The following SNX29 variants were observed in gnomAD, a reference collection of about 807,000 sequenced individuals.
SNX29 encodes sorting nexin 29, also known as sorting nexin-29.
SNX29 carries 78 observed loss-of-function variants against 102.1 expected under a neutral mutation model. The ratio of observed to expected loss-of-function variants is 0.76; its 90% CI spans 0.64 to 0.92. The LOEUF is 0.92. SNX29 is among the 40% of genes least tolerant of loss of function. The pLI is 0.00. For synonymous variants in SNX29, 580 were observed against 414.5 expected (o/e 1.40, Z -4.85); for missense variants, 1,280 against 1,061.7 (o/e 1.21, Z -2.86).
chr16:12,509,016 C>T (rs1316913541), intron 19 of SNX29, among the ~76,000 whole-genome samples: 2 of 152,192 alleles, frequency 1.3e-5, no homozygotes. Context: ...GCATCCAGCA[C>T]ACGTTGGCTG....
chr16:12,548,546 C>T lies in SNX29; in HGVS notation c.2319-19960C>T, dbSNP rs188175052. 3.9e-5 allele frequency among the ~76,000 whole-genome samples: 6 copies of T among 152,314 alleles called. No individual in the cohort carries two copies. In the East Asian group the frequency reaches 1.2e-3, roughly 29 times the overall value. ...GAGGGTGCAGCCTTCTGGGAATTCC[C>T]TCTAGGGATTTTCTATGATGCTGGC... On this transcript the variant is annotated intron_variant, in intron 20 of 20. Transcript: ENST00000566228.
intron 20 of SNX29, among the ~76,000 whole-genome samples, chr16:12,564,898 G>A (rs772753260): frequency 2.0e-5 from 3 of 148,934 alleles, no homozygotes; most frequent in Admixed American, 6.8e-5. Context: ...GTGGGGAGGA[G>A]GCATCTGCAG....
intron 11 of SNX29, among the ~76,000 whole-genome samples, chr16:12,080,501 C>T (rs1269743731): frequency 1.3e-5 from 2 of 152,142 alleles, no homozygotes; most frequent in African/African-American, 2.4e-5. Context: ...TTGTTTACCA[C>T]AGTACTGTTA....
At chr16:12,539,957 ATG>A (rs2077251934) in intron 20 of SNX29, among the ~76,000 whole-genome samples, 1 of 152,220 alleles carries the variant, frequency 6.6e-6, no homozygotes, top group Non-Finnish European at 1.5e-5. Context: ...TTTGTCGAAC[ATG>A]TGAGTTGCAC....
intron 18 of SNX29, among the ~76,000 whole-genome samples, chr16:12,408,117 C>T (rs1482799259): frequency 1.3e-5 from 2 of 151,940 alleles, no homozygotes; most frequent in East Asian, 1.9e-4. Context: ...GTTATAATGC[C>T]ACTGCCACTC....
chr16:12,557,274 G>A (rs1028245638), intron 20 of SNX29: 1 of 152,244 alleles, frequency 6.6e-6, no homozygotes, highest in African/African-American at 2.4e-5. Flanking sequence ...GGGGAGTGCA[G>A]GCAGAAGAGA....
chr16:12,301,005 C>A (rs1368185972), intron 15 of SNX29, among the ~76,000 whole-genome samples: 2 of 152,232 alleles, frequency 1.3e-5, no homozygotes, highest in Non-Finnish European at 2.9e-5. Context: ...GAACTCTGTT[C>A]TTCCTCCTGA....
At chr16:12,479,021 G>T (rs749101268) in intron 19 of SNX29, among the ~76,000 whole-genome samples, 4 of 152,274 alleles carry the variant, frequency 2.6e-5, no homozygotes, top group Non-Finnish European at 5.9e-5. Context: ...GCATTGTATT[G>T]AGCATGATCT....
chr16:12,517,266 A>C (rs1324391497), intron 19 of SNX29, among the ~76,000 whole-genome samples: 2 of 152,202 alleles, frequency 1.3e-5, no homozygotes, highest in African/African-American at 4.8e-5. Flanking sequence ...CTAGGAGCCC[A>C]ACCAGAAAAC....
At chr16:12,479,800 G>A (rs1000391421) in intron 19 of SNX29, among the ~76,000 whole-genome samples, 1 of 152,124 alleles carries the variant, frequency 6.6e-6, no homozygotes, top group Non-Finnish European at 1.5e-5. Flanking sequence ...TGGCCCTTCC[G>A]TGACAGCTTC....
intron 18 of SNX29, among the ~76,000 whole-genome samples, chr16:12,462,720 G>C (rs2086861912): frequency 6.6e-6 from 1 of 152,160 alleles, no homozygotes; most frequent in South Asian, 2.1e-4. Flanking sequence ...CCAAACCCAG[G>C]AAGACTTGGC....
intron 13 of SNX29, among the ~76,000 whole-genome samples, chr16:12,161,797 C>T (rs2055795973): frequency 1.3e-5 from 2 of 152,126 alleles, no homozygotes; most frequent in African/African-American, 4.8e-5. Flanking sequence ...CTGTGGCACG[C>T]CAGTTCCCTA....
chr16:12,557,774 C>T (rs567083292), intron 20 of SNX29: 21 of 152,338 alleles, frequency 1.4e-4, no homozygotes, highest in African/African-American at 4.6e-4. Context: ...AGATATTTTT[C>T]AGCTCCATCA....
chr16:12,530,101 T>C lies in SNX29; in HGVS notation c.2318+5260T>C, dbSNP rs148805448. ...CTCCCTCTTGCTTTTCCCCTTGGCC[T>C]GCTCTGCTGACTTACATCAACCACT... is the stretch of plus-strand genomic sequence containing the variant. On this transcript the variant is annotated intron_variant, in intron 20 of 20. Transcript: ENST00000566228. Among the ~76,000 whole-genome samples, 167 of 152,348 alleles carry C rather than the reference T, an allele frequency of 1.1e-3. 5 individuals are homozygous for C. The East Asian group carries it at 0.011, about 10-fold the overall frequency.
intron 11 of SNX29, 70 bp from the exon 12 acceptor site, chr16:12,126,563 C>T: frequency 1.3e-6 from 2 of 1,498,588 alleles, no homozygotes; most frequent in Non-Finnish European, 1.8e-6. Context: ...GCATATAATC[C>T]AGAGAGGTGA....
At chr16:12,234,674 A>G (rs570154760) in intron 14 of SNX29, among the ~76,000 whole-genome samples, 2 of 152,122 alleles carry the variant, frequency 1.3e-5, no homozygotes, top group African/African-American at 2.4e-5. Flanking sequence ...AAATGATTTG[A>G]TGTTAGAGCT....
chr16:12,137,224 T>C (rs141139990), intron 13 of SNX29, among the ~76,000 whole-genome samples: 4 of 152,350 alleles, frequency 2.6e-5, no homozygotes, highest in African/African-American at 9.6e-5. Context: ...CTCCAGGCCC[T>C]CAGTAAGCGC....
intron 19 of SNX29, among the ~76,000 whole-genome samples, chr16:12,478,098 T>C (rs1174027676): frequency 6.6e-6 from 1 of 152,196 alleles, no homozygotes; most frequent in Non-Finnish European, 1.5e-5. Context: ...TTGGAAAACT[T>C]TTTCTTTAAA....
At chr16:12,317,953 A>G (rs907420608) in intron 15 of SNX29, among the ~76,000 whole-genome samples, 9 of 152,226 alleles carry the variant, frequency 5.9e-5, no homozygotes, top group Admixed American at 5.9e-4. Context: ...CCTGGGGGAA[A>G]CACGCTTAGT....
Sources: allele counts gnomAD v4.1 joint callset (sites outside exome capture counted in the v4.1 genomes callset), GRCh38; gene constraint gnomAD v4.1.1; transcripts MANE v1.5; gene names NCBI Gene and HGNC (gene_info 2026-07-23, HGNC 2026-07-21).